Variants in SMYD3 observed in about 807,000 individuals in gnomAD.
SMYD3 encodes SET and MYND domain containing 3.
In SMYD3, 36 loss-of-function variants were observed where a neutral mutation model predicts 57.7. The observed-to-expected ratio is 0.62, with a 90% CI of 0.48 to 0.82. The LOEUF is 0.82. SMYD3 is among the 40% of genes least tolerant of loss of function. SMYD3 has a pLI of 0.00. For missense variants in SMYD3, 515 were observed against 538.8 expected, an observed-to-expected ratio of 0.96 and a Z score of 0.44; for synonymous variants, 211 against 195.0, an observed-to-expected ratio of 1.08 and a Z score of -0.68.
intron 1 of SMYD3, among the ~76,000 whole-genome samples, chr1:246,443,065 G>C (rs2067495203): frequency 6.6e-6 from 1 of 152,024 alleles, no homozygotes. Flanking sequence ...TTTGGATTTT[G>C]TATATTCCTT....
At chr1:246,234,202 C>T (rs1375323833) in intron 5 of SMYD3, among the ~76,000 whole-genome samples, 1 of 147,732 alleles carries the variant, frequency 6.8e-6, no homozygotes, top group African/African-American at 2.5e-5. Flanking sequence ...ACATATACCA[C>T]ACAGAGGAGA....
At chr1:245,927,728 TC>T (rs1246485166) in intron 7 of SMYD3, among the ~76,000 whole-genome samples, 1 of 152,108 alleles carries the variant, frequency 6.6e-6, no homozygotes, top group Admixed American at 6.6e-5. Context: ...TGGTGACCTC[TC>T]CCCTAAAAAA....
At position 245,936,363 on chromosome 1, in the gene SMYD3, A is replaced by AT. The variant is rs34105057; in HGVS notation, c.532-6427dup. Reference sequence around the variant, plus strand: ...GAACATACACTGAATACGTAATCTTATTTTTTTTTTTGCAGATGGCGTGAA... The same window carrying AT: ...GAACATACACTGAATACGTAATCTTATTTTTTTTTTTTGCAGATGGCGTGAA... On this transcript the variant is annotated intron_variant, in intron 5 of 11. Transcript: ENST00000490107. Among the ~76,000 whole-genome samples the AT allele has an allele frequency of 5.9e-3, 879 of 148,860 alleles. 3 individuals carry two copies. The highest frequency in any genetic ancestry group is 0.017 in the African/African-American group (704 of 40,522).
intron 1 of SMYD3, among the ~76,000 whole-genome samples, chr1:246,394,777 G>A (rs1234127844): frequency 1.3e-5 from 2 of 151,608 alleles, no homozygotes; most frequent in Non-Finnish European, 2.9e-5. Flanking sequence ...TGATATTTGA[G>A]AGGCTCCTGA....
At chr1:245,844,602 T>C (rs1050680735) in intron 10 of SMYD3, among the ~76,000 whole-genome samples, 5 of 4,546 alleles carry the variant, frequency 1.1e-3, no homozygotes, top group Non-Finnish European at 3.2e-3. Context: ...ACTTCCTTGG[T>C]TTCTTTTTTT....
At chr1:246,374,032 C>G (rs2066231703) in intron 1 of SMYD3, among the ~76,000 whole-genome samples, 3 of 152,046 alleles carry the variant, frequency 2.0e-5, no homozygotes, top group African/African-American at 7.2e-5. Context: ...ACCCAAAAAC[C>G]ACCCCACTCT....
intron 5 of SMYD3, among the ~76,000 whole-genome samples, chr1:245,962,766 AC>A (rs2058043162): frequency 7.9e-6 from 1 of 126,264 alleles, no homozygotes; most frequent in South Asian, 3.2e-4. Flanking sequence ...TAGAGGAGAA[AC>A]CAAAGTCGGC....
At chr1:245,855,427 GA>G (rs1254509305) in intron 10 of SMYD3, among the ~76,000 whole-genome samples, 1 of 152,062 alleles carries the variant, frequency 6.6e-6, no homozygotes, top group African/African-American at 2.4e-5. Flanking sequence ...TCTTTAATAG[GA>G]AAATGCATCC....
At chr1:246,071,381 C>T (rs2060439977) in intron 5 of SMYD3, among the ~76,000 whole-genome samples, 1 of 151,964 alleles carries the variant, frequency 6.6e-6, no homozygotes, top group South Asian at 2.1e-4. Context: ...GGGAATTTTG[C>T]CTTTGTTATA....
intron 1 of SMYD3, among the ~76,000 whole-genome samples, chr1:246,506,291 G>A (rs2068535147): frequency 3.9e-5 from 6 of 151,978 alleles, no homozygotes; most frequent in Admixed American, 3.3e-4. Context: ...ACTTTACACC[G>A]GCACAGCGCG....
chr1:245,812,307 G>C (rs1247509389), intron 10 of SMYD3, among the ~76,000 whole-genome samples: 1 of 152,192 alleles, frequency 6.6e-6, no homozygotes. Context: ...CTTGTGCTCA[G>C]GAGGGCCTGA....
chr1:245,848,132 T>G, intron 10 of SMYD3, among the ~76,000 whole-genome samples: 1 of 150,148 alleles, frequency 6.7e-6, no homozygotes, highest in East Asian at 2.0e-4. Flanking sequence ...CAGGGTCTCA[T>G]GCTGTTGCCC....
At chr1:246,366,251 A>G (rs2066100684) in intron 1 of SMYD3, among the ~76,000 whole-genome samples, 1 of 152,258 alleles carries the variant, frequency 6.6e-6, no homozygotes, top group Admixed American at 6.5e-5. Context: ...TGTGTCATTT[A>G]AGGTGTGATG....
chr1:246,266,722 G>C (rs1180431097), intron 5 of SMYD3, among the ~76,000 whole-genome samples: 2 of 151,988 alleles, frequency 1.3e-5, no homozygotes, highest in African/African-American at 2.4e-5. Flanking sequence ...ACTGGGACCC[G>C]GGAGGTGGAG....
At chr1:246,344,319 A>G (rs554340192) in intron 2 of SMYD3, among the ~76,000 whole-genome samples, 2 of 152,322 alleles carry the variant, frequency 1.3e-5, no homozygotes, top group African/African-American at 2.4e-5. Flanking sequence ...TTTTGTCTCT[A>G]TAATTGTAAG....
At chr1:246,402,734 C>T (rs1330417275) in intron 1 of SMYD3, among the ~76,000 whole-genome samples, 1 of 152,174 alleles carries the variant, frequency 6.6e-6, no homozygotes, top group Non-Finnish European at 1.5e-5. Context: ...TCAAATGGCA[C>T]TGCTAAACAC....
intron 5 of SMYD3, among the ~76,000 whole-genome samples, chr1:246,240,753 C>T (rs966667831): frequency 7.9e-5 from 12 of 152,062 alleles, no homozygotes; most frequent in African/African-American, 2.9e-4. Flanking sequence ...TGTTTGTGTC[C>T]TCTTTTATTT....
intron 5 of SMYD3, among the ~76,000 whole-genome samples, chr1:246,218,493 C>A (rs894647133): frequency 1.2e-4 from 19 of 152,082 alleles, no homozygotes; most frequent in Admixed American, 2.0e-4. Context: ...GGGTGGCGGG[C>A]GGCTGTAGTC....
At chr1:245,935,562 T>G (rs183921141) in intron 5 of SMYD3, among the ~76,000 whole-genome samples, 1 of 152,278 alleles carries the variant, frequency 6.6e-6, no homozygotes, top group Non-Finnish European at 1.5e-5. Context: ...CTAACTAAAA[T>G]AAGAGATATC....
Sources: gnomAD v4.1 joint callset for allele counts (sites outside exome capture counted in the v4.1 genomes callset) on GRCh38, gnomAD v4.1.1 for gene constraint, MANE v1.5 for transcripts, NCBI Gene and HGNC (gene_info 2026-07-23, HGNC 2026-07-21) for gene names.